DKK2: variants seen among roughly 807,000 people sequenced by gnomAD.
DKK2 encodes dickkopf Wnt signaling pathway inhibitor 2.
In DKK2, 11 loss-of-function variants were observed where a neutral mutation model predicts 28.1. The ratio of observed to expected loss-of-function variants is 0.39; its 90% CI spans 0.25 to 0.65. DKK2 has a LOEUF of 0.65. Ranked by LOEUF, DKK2 falls within the 30% of genes least tolerant of loss-of-function variation. The pLI, the probability that DKK2 is intolerant of heterozygous loss-of-function variation, is 0.47. For synonymous variants in DKK2, 135 were observed against 126.5 expected (o/e 1.07, Z -0.45); for missense variants, 326 against 335.5 (o/e 0.97, Z 0.22).
intron 1 of DKK2, among the ~76,000 whole-genome samples, chr4:107,005,737 C>T (rs1428650165): frequency 6.6e-6 from 1 of 152,124 alleles, no homozygotes; most frequent in Non-Finnish European, 1.5e-5. Context: ...ATTTTATTAG[C>T]ATTTCATTTT....
chr4:106,980,385 A>G (rs1292019802), intron 1 of DKK2, among the ~76,000 whole-genome samples: 1 of 152,130 alleles, frequency 6.6e-6, no homozygotes, highest in African/African-American at 2.4e-5. Context: ...TTTAGGCTCA[A>G]ATCTTCTAAA....
At chr4:107,003,863 G>A (rs998631343) in intron 1 of DKK2, among the ~76,000 whole-genome samples, 2 of 152,092 alleles carry the variant, frequency 1.3e-5, no homozygotes, top group Non-Finnish European at 2.9e-5. Context: ...TAATTTATAC[G>A]CACTTTTGAG....
At chr4:106,974,354 T>C in intron 1 of DKK2, among the ~76,000 whole-genome samples, 1 of 152,204 alleles carries the variant, frequency 6.6e-6, no homozygotes, top group Admixed American at 6.5e-5. Flanking sequence ...TTCACGATAT[T>C]GATTCTTCCT....
intron 1 of DKK2, among the ~76,000 whole-genome samples, chr4:107,011,779 T>C (rs993308460): frequency 6.6e-6 from 1 of 151,266 alleles, no homozygotes; most frequent in Non-Finnish European, 1.5e-5. Flanking sequence ...TGTCACTAGT[T>C]TGATTTCTGC....
chr4:106,939,561 C>T (rs2036253890), intron 1 of DKK2, among the ~76,000 whole-genome samples: 1 of 152,124 alleles, frequency 6.6e-6, no homozygotes, highest in Non-Finnish European at 1.5e-5. Context: ...TCAATGCCAT[C>T]CCCATCAAGC....
chr4:106,983,820 TAAG>T (rs1472895882), intron 1 of DKK2, among the ~76,000 whole-genome samples: 1 of 152,212 alleles, frequency 6.6e-6, no homozygotes, highest in Non-Finnish European at 1.5e-5. Context: ...ACATTTCATC[TAAG>T]AAGATATACA....
At chr4:106,975,247 C>A (rs1207392918) in intron 1 of DKK2, among the ~76,000 whole-genome samples, 1 of 152,120 alleles carries the variant, frequency 6.6e-6, no homozygotes, top group African/African-American at 2.4e-5. Flanking sequence ...CAGGATGATG[C>A]TGGCCTCATA....
intron 1 of DKK2, among the ~76,000 whole-genome samples, chr4:107,029,672 T>C (rs981720637): frequency 6.6e-6 from 1 of 152,192 alleles, no homozygotes; most frequent in African/African-American, 2.4e-5. Context: ...CATGAAGATC[T>C]AATGTCTCTT....
rs115496589 is a variant in DKK2 at position 107,016,941 on chromosome 4, T to C, written c.222+18429A>G. Among the ~76,000 whole-genome samples, 246 of 152,064 alleles carry C rather than the reference T, an allele frequency of 1.6e-3. 3 individuals carry two copies. Among genetic ancestry groups the C allele is most frequent in the African/African-American group, 5.8e-3 (242 of 41,540 alleles). On this transcript the variant is annotated intron_variant, in intron 1 of 3. Coordinates refer to ENST00000285311, the MANE Select transcript of DKK2 (RefSeq NM_014421.3). ...TGTAGTTCAAGAGAGGCATTTTGCC[T>C]ACAGATATAAATATGAGAGTCATTG...
chr4:106,941,347 C>T (rs1010096005), intron 1 of DKK2, among the ~76,000 whole-genome samples: 1 of 152,098 alleles, frequency 6.6e-6, no homozygotes. Flanking sequence ...GGGACTTTAA[C>T]TCCTGAGCTT....
At chr4:106,963,047 C>A (rs924167174) in intron 1 of DKK2, among the ~76,000 whole-genome samples, 2 of 143,970 alleles carry the variant, frequency 1.4e-5, no homozygotes, top group Non-Finnish European at 3.1e-5. Flanking sequence ...GCAATATGAA[C>A]GAAACTGCGT....
intron 1 of DKK2, among the ~76,000 whole-genome samples, chr4:106,957,195 A>C (rs1464864414): frequency 6.6e-6 from 1 of 152,046 alleles, no homozygotes; most frequent in Non-Finnish European, 1.5e-5. Context: ...AATCAAAACC[A>C]CAATGAGATA....
chr4:107,032,454 C>A (rs1262790293), intron 1 of DKK2, among the ~76,000 whole-genome samples: 1 of 152,020 alleles, frequency 6.6e-6, no homozygotes, highest in Non-Finnish European at 1.5e-5. Context: ...AATCAGGCAA[C>A]TTTCAATAAA....
At chr4:107,035,044 T>C (rs1010212180) in intron 1 of DKK2, among the ~76,000 whole-genome samples, 2 of 152,184 alleles carry the variant, frequency 1.3e-5, no homozygotes, top group African/African-American at 4.8e-5. Context: ...TATTAACATC[T>C]TCATCAGTTG....
At chr4:106,949,055 C>T (rs1444326146) in intron 1 of DKK2, among the ~76,000 whole-genome samples, 5 of 152,052 alleles carry the variant, frequency 3.3e-5, no homozygotes, top group Admixed American at 6.6e-5. Flanking sequence ...TTTGTGTATA[C>T]GGGTATATAA....
chr4:106,924,434 G>A, intron 3 of DKK2, 111 bp downstream of exon 3: 2 of 1,374,660 alleles, frequency 1.5e-6, no homozygotes, highest in South Asian at 2.9e-5. Flanking sequence ...TGACTAGCTA[G>A]GATTAAAGAA....
intron 1 of DKK2, among the ~76,000 whole-genome samples, chr4:107,035,037 TA>T (rs1723940928): frequency 6.6e-6 from 1 of 152,188 alleles, no homozygotes; most frequent in Admixed American, 6.5e-5. Flanking sequence ...TAAATGCTAT[TA>T]ACATCTTCAT....
chr4:106,964,780 T>C (rs957919315), intron 1 of DKK2, among the ~76,000 whole-genome samples: 1 of 152,150 alleles, frequency 6.6e-6, no homozygotes. Context: ...CAATGGGATT[T>C]CCCAGAGAAG....
At chr4:106,946,629 A>G (rs1416733628) in intron 1 of DKK2, among the ~76,000 whole-genome samples, 3 of 152,096 alleles carry the variant, frequency 2.0e-5, no homozygotes, top group Non-Finnish European at 4.4e-5. Context: ...GTTCCTACAC[A>G]TAGAGCATAG....
Sources: allele counts gnomAD v4.1 joint callset (sites outside exome capture counted in the v4.1 genomes callset), GRCh38; gene constraint gnomAD v4.1.1; transcripts MANE v1.5; gene names NCBI Gene and HGNC (gene_info 2026-07-23, HGNC 2026-07-21).